NECTIN1: variants seen among roughly 807,000 people sequenced by gnomAD.
The protein encoded by NECTIN1 is nectin-1.
A neutral mutation model predicts 48.0 loss-of-function variants in NECTIN1; 23 were observed. That is an observed-to-expected ratio of 0.48 (90% CI 0.34 to 0.68). NECTIN1 has a LOEUF of 0.68. Among genes scored for constraint, NECTIN1 ranks in the 30% least tolerant of loss-of-function variants. The pLI is 0.01. For missense variants in NECTIN1, 591 were observed against 709.9 expected (o/e 0.83, Z 1.90); for synonymous variants, 270 against 288.9 (o/e 0.93, Z 0.66).
At chr11:119,700,101 G>A (rs1426433931) in intron 1 of NECTIN1, among the ~76,000 whole-genome samples, 2 of 152,210 alleles carry the variant, frequency 1.3e-5, no homozygotes, top group African/African-American at 4.8e-5. Flanking sequence ...AGGACTCTAT[G>A]TCTCCTGCTG....
At chr11:119,699,048 G>A (rs776112985) in intron 1 of NECTIN1, among the ~76,000 whole-genome samples, 10 of 152,176 alleles carry the variant, frequency 6.6e-5, no homozygotes, top group Non-Finnish European at 5.9e-5. Flanking sequence ...TCCTCACTCT[G>A]GCCTGTGGTG....
At chr11:119,640,427 A>C (rs1418973557) in intron 5 of NECTIN1, 3 of 227,422 alleles carry the variant, frequency 1.3e-5, no homozygotes, top group Non-Finnish European at 2.6e-5. Context: ...TGGGTGCTTC[A>C]CCCTCCCAGC....
At chr11:119,660,990 A>C (rs1864652827), downstream of NECTIN1, 1 of 975,198 alleles carries the variant, frequency 1.0e-6, no homozygotes, top group South Asian at 4.8e-5. Context: ...GATGCAAACC[A>C]GTTTGTTTTA....
chr11:119,724,674 C>T (rs1865882654), intron 1 of NECTIN1, among the ~76,000 whole-genome samples: 1 of 152,184 alleles, frequency 6.6e-6, no homozygotes, highest in African/African-American at 2.4e-5. Flanking sequence ...TATTTATGGC[C>T]CTAGTCCCAT....
Position 119,664,079 on chromosome 11 carries a change from C to A in NECTIN1, c.*668G>T. 1 of 985,826 alleles carries A rather than the reference C, an allele frequency of 1.0e-6. No individual in the cohort carries two copies. Among genetic ancestry groups the A allele is most frequent in the Non-Finnish European group, 1.2e-6 (1 of 830,184 alleles). 61.1% of individuals were successfully genotyped at this position (985,826 alleles called of 1,614,324 possible). On this transcript the variant is annotated 3_prime_UTR_variant, in exon 6 of 6. Transcript: ENST00000264025. Reference sequence around the variant, plus strand: ...GCGTCAGAGCTAGGCCAACTCCACTCTCTGTGGGCCAATGAGGAAAAAAAA... The same window carrying A: ...GCGTCAGAGCTAGGCCAACTCCACTATCTGTGGGCCAATGAGGAAAAAAAA...
chr11:119,717,901 G>T (rs538180774), intron 1 of NECTIN1, among the ~76,000 whole-genome samples: 28 of 152,362 alleles, frequency 1.8e-4, no homozygotes, highest in African/African-American at 6.7e-4. Context: ...CTTCCTAGGT[G>T]CAGGGCAGAT....
Position 119,665,146 on chromosome 11 carries a change from G to A in NECTIN1, c.1155C>T (p.Phe385=). The change falls in exon 6 of 6, where the codon TTC becomes TTT. Residue 385 remains phenylalanine, a synonymous_variant. Coordinates refer to ENST00000264025, the MANE Select transcript of NECTIN1 (RefSeq NM_002855.5). The surrounding 1 kb of genome is among the most constrained non-coding windows in gnomAD (Gnocchi z 5.1). ...GCTTCTTGGTGCTGTAGTCACCCTT[G>A]AAGGTGTGCCGGCGCCGACGCAGGG... is the stretch of plus-strand genomic sequence containing the variant. The part of the protein sequence containing the change: ...VVALRRRRHT[F]KGDYSTKKHV... 5 of 1,613,874 alleles carry A rather than the reference G, an allele frequency of 3.1e-6. No individual in the cohort carries two copies. The highest frequency in any genetic ancestry group is 4.2e-6 in the Non-Finnish European group (5 of 1,180,000).
At chr11:119,657,920 CAAA>C (rs61352311), downstream of NECTIN1, among the ~76,000 whole-genome samples, 6,275 of 78,146 alleles carry the variant, frequency 0.08, 498 homozygotes, top group African/African-American at 0.26. Flanking sequence ...GACCCCGTCT[CAAA>C]AAAAAAAAAA....
chr11:119,670,617 C>T (rs1219477898), intron 5 of NECTIN1, among the ~76,000 whole-genome samples: 1 of 143,740 alleles, frequency 7.0e-6, no homozygotes, highest in African/African-American at 2.6e-5. Context: ...TCCTCCAGGC[C>T]TTCTATTTAA....
chr11:119,640,101 G>T, intron 5 of NECTIN1: 1 of 1,373,252 alleles, frequency 7.3e-7, no homozygotes, highest in Non-Finnish European at 1.0e-6. Context: ...AGACCCTGAG[G>T]CAGTACTCTG....
chr11:119,686,499 A>G (rs1865156693), intron 1 of NECTIN1, among the ~76,000 whole-genome samples: 1 of 152,154 alleles, frequency 6.6e-6, no homozygotes, highest in Non-Finnish European at 1.5e-5. Flanking sequence ...GGATCTCTGT[A>G]AGATGCAAAT....
In NECTIN1 at chr11:119,664,968, C is replaced by CCTT; in HGVS notation, c.1332_1333insAAG (p.Glu444_Gly445insLys). On this transcript the variant is annotated inframe_insertion, in exon 6 of 6. Transcript: ENST00000264025. Reference sequence around the variant, plus strand: ...ACCTTGCGCTCGCCCCCTCCACCGCCCTCCTCCTCCTCCTCCTCCTCCTCA... The same window carrying CCTT: ...ACCTTGCGCTCGCCCCCTCCACCGCCCTTCTCCTCCTCCTCCTCCTCCTCCTCA... 1 of 1,463,484 alleles carries CCTT rather than the reference C, an allele frequency of 6.8e-7. No individual in the cohort carries two copies. The highest frequency in any genetic ancestry group is 9.5e-7 in the Non-Finnish European group (1 of 1,054,088). The allele number at this position is 1,463,484 out of a possible 1,614,324, so 90.7% of individuals were successfully genotyped here.
Position 119,675,307 on chromosome 11 carries a change from T to G in NECTIN1, c.855A>C (p.Leu285=). 6.2e-7 allele frequency: 1 copy of G among 1,614,178 alleles called. No individual in the cohort carries two copies. The highest frequency in any genetic ancestry group is 1.6e-4 in the Middle Eastern group (1 of 6,062). ...CCACACCCTTGGGGAGAGAGCCATT[T>G]AGCCTGTGGGAAGTGGGAGACACAG... ...PPATEYHWTT[L]NGSLPKGVEA... Residue 285 remains leucine (L), a synonymous_variant, in exon 5 of 6, where the codon CTA becomes CTC. Transcript: ENST00000264025.
At chr11:119,646,969 C>T (rs1864403370) in intron 5 of NECTIN1, among the ~76,000 whole-genome samples, 1 of 152,154 alleles carries the variant, frequency 6.6e-6, no homozygotes, top group Non-Finnish European at 1.5e-5. Context: ...AGGGCAGGGA[C>T]ATGCCTGCTC....
At chr11:119,666,402 G>C (rs911352257) in intron 5 of NECTIN1, among the ~76,000 whole-genome samples, 3 of 152,232 alleles carry the variant, frequency 2.0e-5, no homozygotes, top group African/African-American at 7.2e-5. Flanking sequence ...TGGGTGGGTG[G>C]CTTTCTGTGC....
Position 119,647,222 on chromosome 11 carries a change from T to TGTGA in NECTIN1, c.1004-7211_1004-7210insTCAC, listed in dbSNP as rs1365050105. 3.3e-4 allele frequency among the ~76,000 whole-genome samples: 36 copies of TGTGA among 108,116 alleles called. 1 individual carries two copies. Among genetic ancestry groups the TGTGA allele is most frequent in the Non-Finnish European group, 5.6e-4 (28 of 49,974 alleles). 70.9% of individuals were successfully genotyped at this position (108,116 alleles called of 152,430 possible). ...GTGTGTGTGTGTGTGTGTGTGTGTG[T>TGTGA]GACTGTGACCCCCTTTGGAAAGGGT... is the stretch of plus-strand genomic sequence containing the variant. On this transcript the variant is annotated intron_variant, in intron 5 of 7. Coordinates refer to the NECTIN1 transcript ENST00000341398.
At chr11:119,659,757 C>T (rs1487162816), downstream of NECTIN1, among the ~76,000 whole-genome samples, 2 of 152,204 alleles carry the variant, frequency 1.3e-5, no homozygotes, top group Non-Finnish European at 2.9e-5. Context: ...TGGAGAAAGT[C>T]TTGGCTAATT....
Position 119,665,326 on chromosome 11 carries a change from A to T in NECTIN1, c.1004-29T>A, listed in dbSNP as rs376120491. 1 of 1,548,156 alleles carries T rather than the reference A, an allele frequency of 6.5e-7. No homozygotes were observed. Among genetic ancestry groups the T allele is most frequent in the Middle Eastern group, 1.8e-4 (1 of 5,590 alleles). On this transcript the variant is annotated intron_variant, in intron 5 of 5. Transcript: ENST00000264025. The surrounding 1 kb of genome is among the most constrained non-coding windows in gnomAD (Gnocchi z 5.1). Reference sequence around the variant, plus strand: ...GGTGAGGAAAAGAGATGGAGGGGACAGCATCAGCGTGTGCTCCTGGGGTGT... The same window carrying T: ...GGTGAGGAAAAGAGATGGAGGGGACTGCATCAGCGTGTGCTCCTGGGGTGT...
chr11:119,670,044 C>T (rs372210969), intron 5 of NECTIN1, among the ~76,000 whole-genome samples: 4 of 151,900 alleles, frequency 2.6e-5, no homozygotes, highest in East Asian at 1.9e-4. Flanking sequence ...ATGCAACCTC[C>T]GCCTCCCGGG....
Sources: allele counts gnomAD v4.1 joint callset (sites outside exome capture counted in the v4.1 genomes callset), GRCh38; gene constraint gnomAD v4.1.1; non-coding constraint Gnocchi (gnomAD v3.1); transcripts MANE v1.5; gene names NCBI Gene and HGNC (gene_info 2026-07-23, HGNC 2026-07-21).